The following SANBR variants were observed in gnomAD, a reference collection of about 807,000 sequenced individuals.
SANBR encodes the protein SANT and BTB domain regulator of class switch recombination.
Under a neutral mutation model 101.8 loss-of-function variants are expected in SANBR, and 77 were observed. That is an observed-to-expected ratio of 0.76 (90% CI 0.63 to 0.91). The LOEUF (loss-of-function observed/expected upper bound fraction) is 0.91, where lower values mean the gene tolerates loss of function less well. SANBR is among the 40% of genes least tolerant of loss of function. The probability of loss-of-function intolerance (pLI) is 0.00; values close to 1 mark genes in which losing one functional copy is unlikely to be tolerated. For synonymous variants in SANBR, 279 were observed against 274.7 expected, an observed-to-expected ratio of 1.02 and a Z score of -0.15; for missense variants, 875 against 853.0, an observed-to-expected ratio of 1.03 and a Z score of -0.32.
downstream of SANBR, among the ~76,000 whole-genome samples, chr2:61,128,397 A>G (rs569803087): frequency 3.5e-4 from 54 of 152,270 alleles, no homozygotes; most frequent in African/African-American, 1.2e-3. Context: ...GCTCATGCCT[A>G]TAATCCAGGC....
chr2:61,099,002 G>A (rs1200086512), intron 12 of SANBR, among the ~76,000 whole-genome samples: 1 of 152,226 alleles, frequency 6.6e-6, no homozygotes, highest in East Asian at 1.9e-4. Flanking sequence ...GCATTAGGTT[G>A]AGATCTGAAG....
At chr2:61,069,907 G>C (rs1180566166) in intron 2 of SANBR, among the ~76,000 whole-genome samples, 1 of 152,082 alleles carries the variant, frequency 6.6e-6, no homozygotes, top group Non-Finnish European at 1.5e-5. Context: ...TCAATCTGCT[G>C]TCTTAGCCCA....
At chr2:61,084,262 C>G in intron 8 of SANBR, among the ~76,000 whole-genome samples, 1 of 152,056 alleles carries the variant, frequency 6.6e-6, no homozygotes, top group African/African-American at 2.4e-5. Context: ...CCAAAATACT[C>G]TATTTTTAGA....
intron 13 of SANBR, among the ~76,000 whole-genome samples, chr2:61,105,931 A>G (rs1456011141): frequency 1.3e-5 from 2 of 152,128 alleles, no homozygotes; most frequent in South Asian, 2.1e-4. Context: ...CGGCCTCGCA[A>G]AGTGCTGGGA....
intron 12 of SANBR, among the ~76,000 whole-genome samples, chr2:61,102,465 G>A (rs1289545542): frequency 6.7e-6 from 1 of 150,242 alleles, no homozygotes; most frequent in Non-Finnish European, 1.5e-5. Flanking sequence ...AGCCTCATTT[G>A]TAACTGGAGA....
Position 61,096,684 on chromosome 2 carries a change from A to G in SANBR, c.1213-1016A>G, listed in dbSNP as rs549654504. Among the ~76,000 whole-genome samples the G allele has an allele frequency of 4.1e-4, 62 of 152,142 alleles. 1 individual carries two copies. The highest frequency in any genetic ancestry group is 1.5e-3 in the African/African-American group (61 of 41,500). On this transcript the variant is annotated intron_variant, in intron 11 of 21. Coordinates refer to ENST00000402291, the MANE Select transcript of SANBR (RefSeq NM_001129993.3). ...CTGCCTCAGCCTCCCTAGTAGCTGG[A>G]GTGACAGGTGTGTACCATCGTACCT...
chr2:61,108,960 AT>A (rs1451746422), intron 15 of SANBR, among the ~76,000 whole-genome samples: 8 of 152,178 alleles, frequency 5.3e-5, no homozygotes, highest in African/African-American at 1.9e-4. Flanking sequence ...CTGAGTACTT[AT>A]GTGCCTACTA....
chr2:61,126,997 T>G (rs1290887854), downstream of SANBR, among the ~76,000 whole-genome samples: 3 of 152,202 alleles, frequency 2.0e-5, no homozygotes, highest in Non-Finnish European at 4.4e-5. Flanking sequence ...TCCTGTGTGC[T>G]TAGTATAAAA....
At chr2:61,121,474 A>G in intron 21 of SANBR, 198 bp downstream of exon 21, 1 of 425,202 alleles carries the variant, frequency 2.4e-6, no homozygotes, top group South Asian at 2.8e-5. Context: ...AGCTTTGTGG[A>G]TTTTTTAAAG....
rs756390889 is a variant in SANBR at position 61,070,479 on chromosome 2, G to C, written c.129G>C (p.Val43=). The change falls in exon 3 of 22, where the codon GTG becomes GTC. Residue 43 remains valine (V), a synonymous_variant. Coordinates refer to ENST00000402291, the MANE Select transcript of SANBR (RefSeq NM_001129993.3). The part of the protein sequence containing the change: ...TINWETIARL[V]PGLTPKECAK... ...ACTGGGAAACTATAGCAAGGCTCGT[G>C]CCTGGATTAACACCAAAAGAGGTAA... 6.2e-7 allele frequency: 1 copy of C among 1,605,628 alleles called. No individual in the cohort carries two copies. Among genetic ancestry groups the C allele is most frequent in the Non-Finnish European group, 8.5e-7 (1 of 1,177,030 alleles).
chr2:61,122,109 C>T lies in SANBR; in HGVS notation c.2121-17C>T, dbSNP rs1684354084. ...TTAGAAGCAATTCTGACCTCCTTTT[C>T]TGTTTAAAAAATCTAGGTCTAAAAG... is the stretch of plus-strand genomic sequence containing the variant. On this transcript the variant is annotated splice_polypyrimidine_tract_variant and intron_variant, in intron 21 of 21. Transcript: ENST00000402291. 1 of 1,549,610 alleles carries T rather than the reference C, an allele frequency of 6.5e-7. No homozygotes were observed. The highest frequency in any genetic ancestry group is 1.4e-5 in the African/African-American group (1 of 72,958).
At chr2:61,116,890 T>TA (rs909100858) in intron 17 of SANBR, among the ~76,000 whole-genome samples, 22 of 150,148 alleles carry the variant, frequency 1.5e-4, no homozygotes, top group South Asian at 1.3e-3. Flanking sequence ...CCATTTCTAC[T>TA]AAAAAAAAAT....
In SANBR at chr2:61,103,880, A is replaced by G; in HGVS notation, c.1393A>G (p.Thr465Ala). 6.2e-7 allele frequency: 1 copy of G among 1,614,238 alleles called. No homozygotes were observed. Among genetic ancestry groups the G allele is most frequent in the Non-Finnish European group, 8.5e-7 (1 of 1,180,026 alleles). Residue 465 changes from threonine to alanine, a missense_variant, in exon 13 of 22, where the codon ACA becomes GCA. By Grantham distance (58) the Thr-to-Ala change is moderately conservative. Transcript: ENST00000402291. ...KGCKVRDHMVTLRDQGEGGDL... is the reference protein window; with the variant it reads ...KGCKVRDHMVALRDQGEGGDL... Reference sequence around the variant, plus strand: ...CTGTAAAGTGAGGGACCACATGGTTACACTTCGTGATCAAGGTGAAGGCGG... The same window carrying G: ...CTGTAAAGTGAGGGACCACATGGTTGCACTTCGTGATCAAGGTGAAGGCGG...
chr2:61,119,766 T>A (rs1471794575), intron 20 of SANBR, among the ~76,000 whole-genome samples: 1 of 151,860 alleles, frequency 6.6e-6, no homozygotes, highest in Non-Finnish European at 1.5e-5. Context: ...GAGACCAGCC[T>A]GGGCGACATG....
intron 4 of SANBR, among the ~76,000 whole-genome samples, chr2:61,072,185 C>G (rs770595811): frequency 6.6e-6 from 1 of 152,130 alleles, no homozygotes; most frequent in African/African-American, 2.4e-5. Flanking sequence ...GCCATCCGTC[C>G]GCCTCAGCTT....
At chr2:61,136,322 A>G (rs1220555009) in intron 21 of SANBR, among the ~76,000 whole-genome samples, 1 of 149,174 alleles carries the variant, frequency 6.7e-6, no homozygotes, top group East Asian at 2.0e-4. Flanking sequence ...AAAAGAAAAA[A>G]GAATCTAAAC....
In SANBR at chr2:61,123,722, AC is replaced by A; in HGVS notation, c.*1561del. On this transcript the variant is annotated 3_prime_UTR_variant, in exon 22 of 22. Transcript: ENST00000402291. ...TTTTTAACTGATGGTAAAAAGGCAA[AC>A]TGCTTCTCCCCTGGGAGGCCTATAC... The A allele has an allele frequency of 1.0e-6, 1 of 985,484 alleles. No individual in the cohort carries two copies. The highest frequency in any genetic ancestry group is 1.2e-6 in the Non-Finnish European group (1 of 829,838). 61.0% of individuals were successfully genotyped at this position (985,484 alleles called of 1,614,324 possible). A position where few individuals can be genotyped will look rare whatever the true frequency, so the allele number is the denominator to read the frequency against.
chr2:61,114,739 C>T lies in SANBR; in HGVS notation c.1745-1240C>T, dbSNP rs569753893. Among the ~76,000 whole-genome samples the T allele has an allele frequency of 9.2e-5, 14 of 152,262 alleles. No individual in the cohort carries two copies. In the South Asian group the frequency reaches 2.1e-3, roughly 23 times the overall value. On this transcript the variant is annotated intron_variant, in intron 16 of 21. Transcript: ENST00000402291. ...TCGTGATCACAGCTCACTGCAGCCTCGACCTCCCAAGGCTCAAGCAGTTCT... is the reference window on the plus strand; with the variant it reads ...TCGTGATCACAGCTCACTGCAGCCTTGACCTCCCAAGGCTCAAGCAGTTCT...
chr2:61,083,513 C>T, intron 8 of SANBR, among the ~76,000 whole-genome samples, 199 bp downstream of exon 8: 1 of 151,118 alleles, frequency 6.6e-6, no homozygotes, highest in Non-Finnish European at 1.5e-5. Context: ...CCTCCCACCT[C>T]AGCCTCCCAA....
Sources: gnomAD v4.1 joint callset for allele counts (sites outside exome capture counted in the v4.1 genomes callset) on GRCh38, gnomAD v4.1.1 for gene constraint, MANE v1.5 for transcripts, NCBI Gene and HGNC (gene_info 2026-07-23, HGNC 2026-07-21) for gene names.